Variants in ARSI observed in about 807,000 individuals in gnomAD.
ARSI encodes the protein arylsulfatase I.
A neutral mutation model predicts 42.1 loss-of-function variants in ARSI; 37 were observed. The observed-to-expected ratio is 0.88, with a 90% CI of 0.68 to 1.16. The LOEUF is 1.16. Ranked by LOEUF, ARSI falls within the 50% of genes most tolerant of loss-of-function variation. ARSI has a pLI of 0.00. For missense variants in ARSI, 725 were observed against 790.1 expected (o/e 0.92, Z 0.99); for synonymous variants, 305 against 320.3 (o/e 0.95, Z 0.51).
At position 150,302,412 on chromosome 5, in the gene ARSI, T is replaced by C; in HGVS notation, c.-39A>G. 1 of 1,393,852 alleles carries C rather than the reference T, an allele frequency of 7.2e-7. No homozygotes were observed. Among genetic ancestry groups the C allele is most frequent in the Middle Eastern group, 2.5e-4 (1 of 4,062 alleles). 86.3% of individuals were successfully genotyped at this position (1,393,852 alleles called of 1,614,324 possible). A position where few individuals can be genotyped will look rare whatever the true frequency, so the allele number is the denominator to read the frequency against. On this transcript the variant is annotated 5_prime_UTR_variant, in exon 1 of 2. Transcript: ENST00000328668. This position sits in a 1 kb window ranked among gnomAD's most constrained non-coding sequence, Gnocchi z 6.1. ...CGCGCGTCCCGGCGCGCCGGGCTCC[T>C]GGGGCCTCACCACCTCGCGCGCCCA... is the stretch of plus-strand genomic sequence containing the variant.
chr5:150,297,341 T>G lies in ARSI; in HGVS notation c.1583A>C (p.Glu528Ala). The change falls in exon 2 of 2, where the codon GAA becomes GCA. Residue 528 changes from glutamate to alanine, a missense_variant. Transcript: ENST00000328668. This position sits in a 1 kb window ranked among gnomAD's most constrained non-coding sequence, Gnocchi z 7.0. ...AGCCCTCCCTTCCTCTTCCTCCTCT[T>G]CCTCATCACTGGCCCAGGGCCCCCA... ...GAWGPWASDE[E>A]EEEEEGRARS... 1 of 1,613,692 alleles carries G rather than the reference T, an allele frequency of 6.2e-7. No individual in the cohort carries two copies. The highest frequency in any genetic ancestry group is 8.5e-7 in the Non-Finnish European group (1 of 1,179,856).
chr5:150,297,539 A>T lies in ARSI; in HGVS notation c.1385T>A (p.Val462Glu). 1.9e-6 allele frequency: 3 copies of T among 1,613,260 alleles called. No individual in the cohort carries two copies. Among genetic ancestry groups the T allele is most frequent in the Middle Eastern group, 1.6e-4 (1 of 6,062 alleles). ...LERMASVRQAVWLFNISADPY... is the reference protein window; with the variant it reads ...LERMASVRQAEWLFNISADPY... ...GTCAGCACTGATGTTGAAGAGCCAC[A>T]CGGCCTGGCGGACACTGGCCATTCG... is the stretch of plus-strand genomic sequence containing the variant. The change falls in exon 2 of 2, where the codon GTG (valine) becomes GAG (glutamate). Residue 462 changes from valine (V) to glutamate (E), a missense_variant. Coordinates refer to ENST00000328668, the MANE Select transcript of ARSI (RefSeq NM_001012301.4). The surrounding 1 kb of genome is among the most constrained non-coding windows in gnomAD (Gnocchi z 7.0).
In ARSI at chr5:150,297,314, C is replaced by T. The variant is rs202078693; in HGVS notation, c.1610G>A (p.Arg537Gln). 1.2e-5 allele frequency: 19 copies of T among 1,613,330 alleles called. No homozygotes were observed. The highest frequency in any genetic ancestry group is 1.2e-4 in the Admixed American group (7 of 59,838). Residue 537 changes from arginine (R) to glutamine (Q), a missense_variant, in exon 2 of 2, where the codon CGA becomes CAA. Coordinates refer to ENST00000328668, the MANE Select transcript of ARSI (RefSeq NM_001012301.4). The surrounding 1 kb of genome is among the most constrained non-coding windows in gnomAD (Gnocchi z 7.0). ...CTTGCGACGACCCCGGGAGAAGCTT[C>T]GAGCCCTCCCTTCCTCTTCCTCCTC... is the stretch of plus-strand genomic sequence containing the variant. ...EEEEEEEGRA[R>Q]SFSRGRRKKK...
intron 1 of ARSI, among the ~76,000 whole-genome samples, chr5:150,300,281 C>T (rs1212402193): frequency 6.6e-6 from 1 of 152,172 alleles, no homozygotes; most frequent in Non-Finnish European, 1.5e-5. Context: ...CACCCCCATT[C>T]TACAGATGAT....
rs1312901965 is a variant in ARSI, at chr5:150,302,295, A to C, written c.79T>G (p.Phe27Val). ...GCCTCCCCGGGCCCGTCGGCCACGAAGCTCGGCTTGGCCCAGTCCCAGGAC... is the reference window on the plus strand; with the variant it reads ...GCCTCCCCGGGCCCGTCGGCCACGACGCTCGGCTTGGCCCAGTCCCAGGAC... ...YLSWDWAKPS[F>V]VADGPGEAGE... Residue 27 changes from phenylalanine (F) to valine (V), a missense_variant, in exon 1 of 2, where the codon TTC becomes GTC. Coordinates refer to ENST00000328668, the MANE Select transcript of ARSI (RefSeq NM_001012301.4). This position sits in a 1 kb window ranked among gnomAD's most constrained non-coding sequence, Gnocchi z 6.1. The C allele has an allele frequency of 6.2e-7, 1 of 1,602,746 alleles. No homozygotes were observed. The highest frequency in any genetic ancestry group is 2.2e-5 in the East Asian group (1 of 44,546).
Position 150,297,273 on chromosome 5 carries a change from A to G in ARSI, c.1651T>C (p.Cys551Arg). 5.6e-6 allele frequency: 9 copies of G among 1,603,382 alleles called. No homozygotes were observed. The highest frequency in any genetic ancestry group is 7.7e-6 in the Non-Finnish European group (9 of 1,175,696). ...TTACGGAAAAAGGATCGAAGCTTGC[A>G]AATCTTGCATTTTTTCTTGCGACGA... Reference protein sequence around the residue: ...RGRRKKKCKICKLRSFFRKLN... With the variant: ...RGRRKKKCKIRKLRSFFRKLN... The change falls in exon 2 of 2, where the codon TGC (cysteine) becomes CGC (arginine). Residue 551 changes from cysteine to arginine, a missense_variant. Transcript: ENST00000328668. The surrounding 1 kb of genome is among the most constrained non-coding windows in gnomAD (Gnocchi z 7.0).
At position 150,300,938 on chromosome 5, in the gene ARSI, C is replaced by T. The variant is rs1757909853; in HGVS notation, c.311+1125G>A. On this transcript the variant is annotated intron_variant, in intron 1 of 1. Transcript: ENST00000328668. ...CAACCCATACACACCCCACACCCCT[C>T]CTTCTTTCTTCTGTTCTCCTTCTGA... 4.6e-5 allele frequency among the ~76,000 whole-genome samples: 7 copies of T among 152,206 alleles called. No homozygotes were observed. In the South Asian group the frequency reaches 1.4e-3, roughly 32 times the overall value.
Position 150,302,126 on chromosome 5 carries a change from T to G in ARSI, c.248A>C (p.Lys83Thr), listed in dbSNP as rs775632237. The G allele has an allele frequency of 3.8e-5, 61 of 1,611,674 alleles. No homozygotes were observed. Among genetic ancestry groups the G allele is most frequent in the Non-Finnish European group, 5.0e-5 (59 of 1,179,296 alleles). Residue 83 changes from lysine to threonine, a missense_variant, in exon 1 of 2, where the codon AAG (lysine) becomes ACG (threonine). Transcript: ENST00000328668. The surrounding 1 kb of genome is among the most constrained non-coding windows in gnomAD (Gnocchi z 6.1). Reference protein sequence around the residue: ...TLDRLAAKGVKLENYYIQPIC... With the variant: ...TLDRLAAKGVTLENYYIQPIC... Reference sequence around the variant, plus strand: ...GGGCTGGATGTAATAATTCTCCAACTTGACCCCCTTGGCCGCCAGCCTGTC... The same window carrying G: ...GGGCTGGATGTAATAATTCTCCAACGTGACCCCCTTGGCCGCCAGCCTGTC...
In ARSI at chr5:150,302,629, C is replaced by G. The variant is rs527251086; in HGVS notation, c.-256G>C. ...TGCCTAAGCGCAGGCCCTGCGCCGC[C>G]TTTGCTCCCTCTTCCCCAGCTCAGC... On this transcript the variant is annotated 5_prime_UTR_variant, in exon 1 of 2. Coordinates refer to ENST00000328668, the MANE Select transcript of ARSI (RefSeq NM_001012301.4). This position sits in a 1 kb window ranked among gnomAD's most constrained non-coding sequence, Gnocchi z 6.1. The G allele has an allele frequency of 2.0e-3, 696 of 354,442 alleles. 9 individuals carry two copies. The highest frequency in any genetic ancestry group is 0.014 in the African/African-American group (657 of 47,198). 22.0% of individuals were successfully genotyped at this position (354,442 alleles called of 1,614,324 possible). A position where few individuals can be genotyped will look rare whatever the true frequency, so the allele number is the denominator to read the frequency against.
Position 150,298,104 on chromosome 5 carries a change from C to T in ARSI, c.820G>A (p.Val274Met). 2 of 1,613,704 alleles carry T rather than the reference C, an allele frequency of 1.2e-6. No individual in the cohort carries two copies. The highest frequency in any genetic ancestry group is 4.5e-5 in the East Asian group (2 of 44,878). Residue 274 changes from valine to methionine, a missense_variant, in exon 2 of 2, where the codon GTG becomes ATG. By Grantham distance (21) the Val-to-Met change is conservative (BLOSUM62 1). Transcript: ENST00000328668. ...TTGAGGGCCCAGGTGATGTTGCGCACAGCCTCATCCATGCAGGTCACCATG... is the reference window on the plus strand; with the variant it reads ...TTGAGGGCCCAGGTGATGTTGCGCATAGCCTCATCCATGCAGGTCACCATG... ...AAMVTCMDEA[V>M]RNITWALKRY...
chr5:150,299,048 C>T (rs1757874791), intron 1 of ARSI, among the ~76,000 whole-genome samples: 1 of 152,198 alleles, frequency 6.6e-6, no homozygotes, highest in Non-Finnish European at 1.5e-5. Context: ...TATTATTGTT[C>T]CCATTTTCCA....
At chr5:150,301,210 G>A (rs1465782591) in intron 1 of ARSI, among the ~76,000 whole-genome samples, 1 of 152,172 alleles carries the variant, frequency 6.6e-6, no homozygotes, top group Non-Finnish European at 1.5e-5. Flanking sequence ...AGTGGCTCTT[G>A]GGTGGAACTT....
In ARSI at chr5:150,296,967, A is replaced by C; in HGVS notation, c.*247T>G. On this transcript the variant is annotated 3_prime_UTR_variant, in exon 2 of 2. Transcript: ENST00000328668. ...TTTTACAGATGAGGAAACTGAGGCT[A>C]AAAGCTCATGTGGGTCACCTGAGGT... 3 of 403,510 alleles carry C rather than the reference A, an allele frequency of 7.4e-6. No individual in the cohort carries two copies. Among genetic ancestry groups the C allele is most frequent in the African/African-American group, 2.0e-5 (1 of 48,870 alleles). 25.0% of individuals were successfully genotyped at this position (403,510 alleles called of 1,614,324 possible).
chr5:150,297,087 A>G lies in ARSI; in HGVS notation c.*127T>C. The G allele has an allele frequency of 9.4e-7, 1 of 1,066,790 alleles. No individual in the cohort carries two copies. The highest frequency in any genetic ancestry group is 1.3e-6 in the Non-Finnish European group (1 of 745,756). The allele number at this position is 1,066,790 out of a possible 1,614,324, so 66.1% of individuals were successfully genotyped here. On this transcript the variant is annotated 3_prime_UTR_variant, in exon 2 of 2. Coordinates refer to ENST00000328668, the MANE Select transcript of ARSI (RefSeq NM_001012301.4). The surrounding 1 kb of genome is among the most constrained non-coding windows in gnomAD (Gnocchi z 7.0). ...CCTATCCAGGCTCCCTACCCTGTTC[A>G]ACCAAGGGACTCTACACCCTCCAAC...
rs746923294 is a variant in ARSI at position 150,298,196 on chromosome 5, T to A, written c.728A>T (p.Gln243Leu). 6.2e-7 allele frequency: 1 copy of A among 1,613,958 alleles called. No homozygotes were observed. Among genetic ancestry groups the A allele is most frequent in the African/African-American group, 1.3e-5 (1 of 74,914 alleles). The change falls in exon 2 of 2, where the codon CAG becomes CTG. Residue 243 changes from glutamine to leucine, a missense_variant. Coordinates refer to ENST00000328668, the MANE Select transcript of ARSI (RefSeq NM_001012301.4). ...VAFQAVHTPL[Q>L]SPREYLYRYR... ...GCGGTACAGGTACTCACGAGGGGAC[T>A]GCAGGGGTGTGTGTACTGCCTGGAA...
rs767031488 is a variant in ARSI, at chr5:150,297,553, A to T, written c.1371T>A (p.Ser457Arg). The T allele has an allele frequency of 6.2e-7, 1 of 1,612,592 alleles. No homozygotes were observed. The change falls in exon 2 of 2, where the codon AGT becomes AGA. Residue 457 changes from serine to arginine, a missense_variant. Ser to Arg is a moderately radical substitution (Grantham distance 110). Coordinates refer to ENST00000328668, the MANE Select transcript of ARSI (RefSeq NM_001012301.4). The surrounding 1 kb of genome is among the most constrained non-coding windows in gnomAD (Gnocchi z 7.0). ...GSWWNLERMASVRQAVWLFNI... is the reference protein window; with the variant it reads ...GSWWNLERMARVRQAVWLFNI... ...TGAAGAGCCACACGGCCTGGCGGAC[A>T]CTGGCCATTCGTTCCAGGTTCCACC...
rs191518504 is a variant in ARSI at position 150,300,350 on chromosome 5, G to A, written c.311+1713C>T. 8.5e-5 allele frequency among the ~76,000 whole-genome samples: 13 copies of A among 152,296 alleles called. No individual in the cohort carries two copies. The East Asian group carries it at 2.3e-3, about 27-fold the overall frequency. On this transcript the variant is annotated intron_variant, in intron 1 of 1. Coordinates refer to ENST00000328668, the MANE Select transcript of ARSI (RefSeq NM_001012301.4). ...CAAGTTCAGAGAGCTGACAAGCAGTGGAGCTAAGCTTTGAACCTGGGTCCA... is the reference window on the plus strand; with the variant it reads ...CAAGTTCAGAGAGCTGACAAGCAGTAGAGCTAAGCTTTGAACCTGGGTCCA...
At position 150,298,332 on chromosome 5, in the gene ARSI, T is replaced by C; in HGVS notation, c.592A>G (p.Asn198Asp). ...VCGFDLHEGE[N>D]VAWGLSGQYS... ...TGGCCGCTGAGCCCCCAGGCCACAT[T>C]CTCACCCTCGTGCAGGTCGAAGCCG... Residue 198 changes from asparagine (N) to aspartate (D), a missense_variant, in exon 2 of 2, where the codon AAT (asparagine) becomes GAT (aspartate). Transcript: ENST00000328668. 1 of 1,613,998 alleles carries C rather than the reference T, an allele frequency of 6.2e-7. No homozygotes were observed. The highest frequency in any genetic ancestry group is 8.5e-7 in the Non-Finnish European group (1 of 1,179,996).
At position 150,298,202 on chromosome 5, in the gene ARSI, GGT is replaced by G; in HGVS notation, c.720_721del (p.Leu242AlafsTer5). ...CAGGTACTCACGAGGGGACTGCAGG[GGT>G]GTGTGTACTGCCTGGAAGGCCACAT... On this transcript the variant is annotated frameshift_variant, in exon 2 of 2. Transcript: ENST00000328668. LOFTEE classifies it high-confidence loss of function. 6.2e-7 allele frequency: 1 copy of G among 1,614,154 alleles called. No homozygotes were observed. Among genetic ancestry groups the G allele is most frequent in the Non-Finnish European group, 8.5e-7 (1 of 1,180,040 alleles).
Sources: allele counts gnomAD v4.1 joint callset (sites outside exome capture counted in the v4.1 genomes callset), GRCh38; gene constraint gnomAD v4.1.1; non-coding constraint Gnocchi (gnomAD v3.1); transcripts MANE v1.5; gene names NCBI Gene and HGNC (gene_info 2026-07-23, HGNC 2026-07-21).